TSPEAR: variants seen among roughly 807,000 people sequenced by gnomAD.
TSPEAR encodes thrombospondin-type laminin G domain and EAR repeat-containing protein.
A neutral mutation model predicts 71.6 loss-of-function variants in TSPEAR; 69 were observed. The ratio of observed to expected loss-of-function variants is 0.96; its 90% CI spans 0.79 to 1.18. The LOEUF (loss-of-function observed/expected upper bound fraction) is 1.18, where lower values mean the gene tolerates loss of function less well. Ranked by LOEUF, TSPEAR falls within the 50% of genes most tolerant of loss-of-function variation. The pLI, the probability that TSPEAR is intolerant of heterozygous loss-of-function variation, is 0.00. For synonymous variants in TSPEAR, 402 were observed against 387.2 expected, an observed-to-expected ratio of 1.04 and a Z score of -0.45; for missense variants, 971 against 894.9, an observed-to-expected ratio of 1.09 and a Z score of -1.09.
At chr21:44,556,397 A>C (rs1555919816) in intron 2 of TSPEAR, among the ~76,000 whole-genome samples, 1 of 150,166 alleles carries the variant, frequency 6.7e-6, no homozygotes, top group Admixed American at 6.6e-5. Flanking sequence ...CAACAACAAA[A>C]AAAAAAACCA....
chr21:44,626,435 C>A (rs1339264522), intron 1 of TSPEAR, among the ~76,000 whole-genome samples: 1 of 152,170 alleles, frequency 6.6e-6, no homozygotes, highest in Non-Finnish European at 1.5e-5. Context: ...CCAGCAGTGG[C>A]GAGGGCTGGC....
rs367794358 is a variant in TSPEAR at position 44,670,398 on chromosome 21, A to T, written c.82+41035T>A. Among the ~76,000 whole-genome samples the T allele has an allele frequency of 2.9e-4, 44 of 152,324 alleles. 1 individual carries two copies. The South Asian group carries it at 7.7e-3, about 27-fold the overall frequency. ...GAGGTAACAACATTTTGAATGGGAC[A>T]TCTGAGAGAGACACTGGAATTCAGC... is the stretch of plus-strand genomic sequence containing the variant. On this transcript the variant is annotated intron_variant, in intron 1 of 11. Transcript: ENST00000323084.
chr21:44,552,349 C>T (rs2053456059), intron 2 of TSPEAR, among the ~76,000 whole-genome samples: 1 of 152,208 alleles, frequency 6.6e-6, no homozygotes, highest in Non-Finnish European at 1.5e-5. Flanking sequence ...GCTCCTCTGT[C>T]TTGGGGCCTG....
At chr21:44,630,782 C>A (rs587726776) in intron 1 of TSPEAR, among the ~76,000 whole-genome samples, 56 of 152,292 alleles carry the variant, frequency 3.7e-4, no homozygotes, top group Admixed American at 7.8e-4. Flanking sequence ...GGGAAAAAAA[C>A]ATCTTTTGAC....
chr21:44,675,792 C>T (rs1986286068), intron 1 of TSPEAR: 1 of 553,284 alleles, frequency 1.8e-6, no homozygotes, highest in African/African-American at 1.9e-5. Context: ...TTCTGGGACC[C>T]TTGCGGCAAA....
chr21:44,552,970 G>A (rs587598762), intron 2 of TSPEAR, among the ~76,000 whole-genome samples: 19 of 152,354 alleles, frequency 1.2e-4, no homozygotes, highest in Admixed American at 5.9e-4. Context: ...AAGGGAAGCC[G>A]AGGCAGCGGC....
chr21:44,592,479 G>T (rs73907037), intron 1 of TSPEAR: 181 of 1,608,480 alleles, frequency 1.1e-4, no homozygotes, highest in Admixed American at 7.4e-4. Flanking sequence ...TGGTGGACGC[G>T]GCCATGCTGG....
chr21:44,594,083 T>G (rs1442966348), intron 1 of TSPEAR, among the ~76,000 whole-genome samples: 1 of 152,194 alleles, frequency 6.6e-6, no homozygotes, highest in Non-Finnish European at 1.5e-5. Flanking sequence ...GACTCCACCC[T>G]GTAAGAAGTA....
intron 10 of TSPEAR, chr21:44,508,538 C>T (rs75437603): frequency 0.021 from 23,410 of 1,108,368 alleles, 300 homozygotes; most frequent in Admixed American, 0.032. Context: ...ATTCACAGAC[C>T]GGAATTCCAC....
chr21:44,617,478 A>G (rs782600672), intron 1 of TSPEAR, among the ~76,000 whole-genome samples: 8 of 152,246 alleles, frequency 5.3e-5, no homozygotes, highest in Admixed American at 1.3e-4. Flanking sequence ...TGCAGACCAG[A>G]GGGTGAGAGA....
rs62220887 is a variant in TSPEAR at position 44,592,279 on chromosome 21, G to C, written c.83-24274C>G. 9,399 of 1,537,274 alleles carry C rather than the reference G, an allele frequency of 6.1e-3. 69 individuals are homozygous for C. The highest frequency in any genetic ancestry group is 0.059 in the African/African-American group (3,296 of 55,952). On this transcript the variant is annotated intron_variant, in intron 1 of 11. Coordinates refer to ENST00000323084, the MANE Select transcript of TSPEAR (RefSeq NM_144991.3). ...GCAGGGGCTGGGCTCACAGGTCACT[G>C]GGCAGCAGGGGCTGGACACACGGCT... is the stretch of plus-strand genomic sequence containing the variant.
rs1555938799 is a variant in TSPEAR at position 44,642,793 on chromosome 21, G to A, written c.82+68640C>T. ...GGAGGCAGAGCTTGCAGTGAGCCGA[G>A]ATTGTGCCACTGCACTCCAGCCTGG... On this transcript the variant is annotated intron_variant, in intron 1 of 11. Coordinates refer to ENST00000323084, the MANE Select transcript of TSPEAR (RefSeq NM_144991.3). This position sits in a 1 kb window ranked among gnomAD's most constrained non-coding sequence, Gnocchi z 4.1. Among the ~76,000 whole-genome samples the A allele has an allele frequency of 6.6e-6, 1 of 151,950 alleles. No homozygotes were observed. Among genetic ancestry groups the A allele is most frequent in the African/African-American group, 2.4e-5 (1 of 41,352 alleles).
At chr21:44,637,939 C>T (rs782426723) in intron 1 of TSPEAR, 11 of 1,612,932 alleles carry the variant, frequency 6.8e-6, no homozygotes, top group Middle Eastern at 3.3e-4. Context: ...AGTCTAGCTG[C>T]CAGCCTGCTT....
intron 9 of TSPEAR, 91 bp downstream of exon 9, chr21:44,521,792 G>C: frequency 7.8e-7 from 1 of 1,275,616 alleles, no homozygotes; most frequent in South Asian, 1.3e-5. Context: ...GCTCTCGGTG[G>C]ACCCCCAGCC....
intron 1 of TSPEAR, among the ~76,000 whole-genome samples, chr21:44,626,557 C>T (rs1555934388): frequency 6.6e-6 from 1 of 152,214 alleles, no homozygotes; most frequent in Non-Finnish European, 1.5e-5. Context: ...GATCCCTGCC[C>T]TGGAACAGAG....
rs1428377113 is a variant in TSPEAR at position 44,687,817 on chromosome 21, TC to T, written c.82+23615del. ...TCAAATGATACCCTTGAGATTTGAATCATTTCACATGCAAAACAAATGCTGA... is the reference window on the plus strand; with the variant it reads ...TCAAATGATACCCTTGAGATTTGAATATTTCACATGCAAAACAAATGCTGA... On this transcript the variant is annotated intron_variant, in intron 1 of 11. Transcript: ENST00000323084. The surrounding 1 kb of genome is among the most constrained non-coding windows in gnomAD (Gnocchi z 4.4). 1.3e-5 allele frequency among the ~76,000 whole-genome samples: 2 copies of T among 152,196 alleles called. No homozygotes were observed. The highest frequency in any genetic ancestry group is 4.8e-5 in the African/African-American group (2 of 41,460).
In TSPEAR at chr21:44,528,473, C is replaced by T. The variant is rs587616759; in HGVS notation, c.901G>A (p.Glu301Lys). 2.1e-5 allele frequency: 34 copies of T among 1,613,962 alleles called. No individual in the cohort carries two copies. Among genetic ancestry groups the T allele is most frequent in the African/African-American group, 2.7e-5 (2 of 75,052 alleles). The change falls in exon 6 of 12, where the codon GAG becomes AAG. Residue 301 changes from glutamate (E) to lysine (K), a missense_variant. By Grantham distance (56) the Glu-to-Lys change is moderately conservative. Coordinates refer to ENST00000323084, the MANE Select transcript of TSPEAR (RefSeq NM_144991.3). ...RKGLYLCVGN[E>K]WVSVLAAKER... Reference sequence around the variant, plus strand: ...TCACCTGCTAACACGGAGACCCACTCGTTGCCAACACACAGATACAGGCCC... The same window carrying T: ...TCACCTGCTAACACGGAGACCCACTTGTTGCCAACACACAGATACAGGCCC...
intron 7 of TSPEAR, among the ~76,000 whole-genome samples, chr21:44,526,525 G>A (rs376974906): frequency 6.6e-6 from 1 of 150,838 alleles, no homozygotes; most frequent in Non-Finnish European, 1.5e-5. Flanking sequence ...TTATTCACCC[G>A]CCATGCTGGA....
intron 10 of TSPEAR, chr21:44,508,374 G>A (rs1332870096): frequency 2.6e-5 from 16 of 613,576 alleles, no homozygotes; most frequent in Non-Finnish European, 3.3e-5. Context: ...CAGGTGAATT[G>A]TTACCGAATG....
Sources: gnomAD v4.1 joint callset for allele counts (sites outside exome capture counted in the v4.1 genomes callset) on GRCh38, gnomAD v4.1.1 for gene constraint, Gnocchi (gnomAD v3.1) non-coding constraint, MANE v1.5 for transcripts, NCBI Gene and HGNC (gene_info 2026-07-23, HGNC 2026-07-21) for gene names.